Variants in PURB observed in about 807,000 individuals in gnomAD.
The protein encoded by PURB is purine rich element binding protein B, also known as transcriptional regulator protein Pur-beta.
A neutral mutation model predicts 21.1 loss-of-function variants in PURB; 11 were observed. The ratio of observed to expected loss-of-function variants is 0.52; its 90% CI spans 0.33 to 0.86. PURB has a LOEUF of 0.86. Ranked by LOEUF, PURB falls within the 40% of genes least tolerant of loss-of-function variation. The probability of loss-of-function intolerance (pLI) is 0.02; values close to 1 mark genes in which losing one functional copy is unlikely to be tolerated. For synonymous variants in PURB, 246 were observed against 210.8 expected (o/e 1.17, Z -1.45); for missense variants, 357 against 456.5 (o/e 0.78, Z 1.99).
rs758505939 is a variant in PURB, at chr7:44,879,042, T to G, written c.*5368A>C. On this transcript the variant is annotated 3_prime_UTR_variant, in exon 1 of 1. Transcript: ENST00000395699. ...GCCATTTCCACCTTACATTTGGAAT[T>G]TATTTATTTATTTTTTGAGACGGAG... is the stretch of plus-strand genomic sequence containing the variant. 3 of 152,018 alleles carry G rather than the reference T, an allele frequency of 2.0e-5. No homozygotes were observed. The highest frequency in any genetic ancestry group is 1.3e-4 in the Admixed American group (2 of 15,260). 9.4% of individuals were successfully genotyped at this position (152,018 alleles called of 1,614,324 possible). A position where few individuals can be genotyped will look rare whatever the true frequency, so the allele number is the denominator to read the frequency against.
Position 44,884,877 on chromosome 7 carries a change from C to T in PURB, c.472G>A (p.Gly158Ser). 2 of 1,557,998 alleles carry T rather than the reference C, an allele frequency of 1.3e-6. No individual in the cohort carries two copies. The highest frequency in any genetic ancestry group is 1.7e-6 in the Non-Finnish European group (2 of 1,154,436). Residue 158 changes from glycine (G) to serine (S), a missense_variant, in exon 1 of 1, where the codon GGC becomes AGC. Physicochemically the swap from Gly to Ser is moderately conservative, Grantham distance 56. Transcript: ENST00000395699. ...QTVNRGGGGF[G>S]AGPGPGGLQS... is the part of the protein sequence containing the mutation. ...AAGCCGCCCGGCCCGGGGCCCGCGC[C>T]GAAGCCGCCACCGCCGCGGTTGACC...
chr7:44,884,375 G>C lies in PURB; in HGVS notation c.*35C>G. On this transcript the variant is annotated 3_prime_UTR_variant, in exon 1 of 1. Coordinates refer to ENST00000395699, the MANE Select transcript of PURB (RefSeq NM_033224.5). Reference sequence around the variant, plus strand: ...GGAATTCTCTAGCCAAGGGGATGGTGGTTGGGTGGAGGCCTGTAGGGGAAG... The same window carrying C: ...GGAATTCTCTAGCCAAGGGGATGGTCGTTGGGTGGAGGCCTGTAGGGGAAG... 1 of 1,599,218 alleles carries C rather than the reference G, an allele frequency of 6.3e-7. No individual in the cohort carries two copies.
In PURB at chr7:44,885,001, C is replaced by T; in HGVS notation, c.348G>A (p.Arg116=). The change falls in exon 1 of 1, where the codon CGG becomes CGA. Residue 116 remains arginine, a synonymous_variant. Transcript: ENST00000395699. The part of the protein sequence containing the change: ...AAGAEEGGGP[R]RALKSEFLVR... ...CCAAGAATTCGCTCTTGAGCGCGCG[C>T]CGCGGCCCGCCGCCCTCCTCGGCGC... is the stretch of plus-strand genomic sequence containing the variant. 6.5e-7 allele frequency: 1 copy of T among 1,542,622 alleles called. No homozygotes were observed. Among genetic ancestry groups the T allele is most frequent in the Non-Finnish European group, 8.7e-7 (1 of 1,146,662 alleles).
Position 44,884,458 on chromosome 7 carries a change from GCCCCCACCA to G in PURB, c.882_890del (p.Gly295_Gly297del). 6.2e-7 allele frequency: 1 copy of G among 1,613,586 alleles called. No homozygotes were observed. The highest frequency in any genetic ancestry group is 8.5e-7 in the Non-Finnish European group (1 of 1,179,940). On this transcript the variant is annotated inframe_deletion, in exon 1 of 1. Coordinates refer to ENST00000395699, the MANE Select transcript of PURB (RefSeq NM_033224.5). ...CCTCTGACTCTTCGCCGCCGCCGCT[GCCCCCACCA>G]CGTCGCTCATAAAGCTTATCCCTCT...
rs1793865524 is a variant in PURB at position 44,880,810 on chromosome 7, T to C, written c.*3600A>G. 6.6e-6 allele frequency: 1 copy of C among 152,650 alleles called. No homozygotes were observed. The highest frequency in any genetic ancestry group is 2.4e-5 in the African/African-American group (1 of 41,460). 9.5% of individuals were successfully genotyped at this position (152,650 alleles called of 1,614,324 possible). A position where few individuals can be genotyped will look rare whatever the true frequency, so the allele number is the denominator to read the frequency against. ...TCAATCATTTTGCAGTAAATAATTA[T>C]GGAAAGTGATGTGACAAGTAGCCAT... On this transcript the variant is annotated 3_prime_UTR_variant, in exon 1 of 1. Transcript: ENST00000395699.
chr7:44,884,737 C>G lies in PURB; in HGVS notation c.612G>C (p.Pro204=). The G allele has an allele frequency of 6.2e-7, 1 of 1,611,736 alleles. No individual in the cohort carries two copies. The highest frequency in any genetic ancestry group is 8.5e-7 in the Non-Finnish European group (1 of 1,179,484). The change falls in exon 1 of 1, where the codon CCG becomes CCC. Residue 204 remains proline, a synonymous_variant. Transcript: ENST00000395699. ...GGEDDELAGG[P]GGGAGGPGGG... ...CCCCTGGGCCCCCGGCGCCGCCTCC[C>G]GGGCCGCCTGCCAGCTCGTCGTCCT...
rs1433261768 is a variant in PURB at position 44,885,352 on chromosome 7, C to T, written c.-4G>A. 1 of 1,181,384 alleles carries T rather than the reference C, an allele frequency of 8.5e-7. No individual in the cohort carries two copies. The highest frequency in any genetic ancestry group is 1.6e-5 in the African/African-American group (1 of 62,550). The allele number at this position is 1,181,384 out of a possible 1,614,324, so 73.2% of individuals were successfully genotyped here. The stretch of plus-strand genomic sequence containing the variant: ...TGCCGCTGTCGCCGTCCGCCATCTT[C>T]TAGGCCGCCGCCTCGCCGCCACCGC... On this transcript the variant is annotated 5_prime_UTR_variant, in exon 1 of 1. Coordinates refer to ENST00000395699, the MANE Select transcript of PURB (RefSeq NM_033224.5).
In PURB at chr7:44,880,200, A is replaced by G. The variant is rs904987908; in HGVS notation, c.*4210T>C. ...CATTAACTTTCCCCAATCAAAAAGG[A>G]GACCGATCACTATATACCAAGAGTG... is the stretch of plus-strand genomic sequence containing the variant. On this transcript the variant is annotated 3_prime_UTR_variant, in exon 1 of 1. Coordinates refer to ENST00000395699, the MANE Select transcript of PURB (RefSeq NM_033224.5). 6 of 4,042 alleles carry G rather than the reference A, an allele frequency of 1.5e-3. No individual in the cohort carries two copies. The African/African-American group carries it at 0.017, about 11-fold the overall frequency. 0.3% of individuals were successfully genotyped at this position (4,042 alleles called of 1,614,324 possible).
At position 44,880,231 on chromosome 7, in the gene PURB, G is replaced by C. The variant is rs1440810955; in HGVS notation, c.*4179C>G. The C allele has an allele frequency of 1.3e-5, 2 of 152,372 alleles. No individual in the cohort carries two copies. Among genetic ancestry groups the C allele is most frequent in the African/African-American group, 2.4e-5 (1 of 41,488 alleles). The allele number at this position is 152,372 out of a possible 1,614,324, so 9.4% of individuals were successfully genotyped here. Reference sequence around the variant, plus strand: ...ATCACTATATACCAAGAGTGCTGCAGAAAGACAAACTCTCAGCAAATGAGT... The same window carrying C: ...ATCACTATATACCAAGAGTGCTGCACAAAGACAAACTCTCAGCAAATGAGT... On this transcript the variant is annotated 3_prime_UTR_variant, in exon 1 of 1. Coordinates refer to ENST00000395699, the MANE Select transcript of PURB (RefSeq NM_033224.5).
rs1793926286 is a variant in PURB, at chr7:44,884,503, G to C, written c.846C>G (p.Ile282Met). ...FCRYADEMKE[I>M]QERQRDKLYE... ...AAAGCTTATCCCTCTGTCGTTCCTG[G>C]ATTTCTTTCATCTCATCCGCATACC... The change falls in exon 1 of 1, where the codon ATC becomes ATG. Residue 282 changes from isoleucine (I) to methionine (M), a missense_variant. Coordinates refer to ENST00000395699, the MANE Select transcript of PURB (RefSeq NM_033224.5). 3 of 1,613,982 alleles carry C rather than the reference G, an allele frequency of 1.9e-6. No individual in the cohort carries two copies. The East Asian group carries it at 6.7e-5, about 36-fold the overall frequency.
At position 44,885,373 on chromosome 7, in the gene PURB, ACCGCCCGCCGCGCTCGCGCCC is replaced by A. The variant is rs954166484; in HGVS notation, c.-46_-26del. The A allele has an allele frequency of 2.6e-5, 26 of 1,017,644 alleles. No homozygotes were observed. In the Middle Eastern group the frequency reaches 1.2e-3, roughly 47 times the overall value. 63.0% of individuals were successfully genotyped at this position (1,017,644 alleles called of 1,614,324 possible). On this transcript the variant is annotated 5_prime_UTR_variant, in exon 1 of 1. Coordinates refer to ENST00000395699, the MANE Select transcript of PURB (RefSeq NM_033224.5). ...TCTTCTAGGCCGCCGCCTCGCCGCC[ACCGCCCGCCGCGCTCGCGCCC>A]CCGCCCTCCGGCTCGCGCTCCGGGG...
rs1195057165 is a variant in PURB, at chr7:44,880,740, A to C, written c.*3670T>G. 1 of 152,680 alleles carries C rather than the reference A, an allele frequency of 6.5e-6. No individual in the cohort carries two copies. Among genetic ancestry groups the C allele is most frequent in the East Asian group, 1.9e-4 (1 of 5,206 alleles). 9.5% of individuals were successfully genotyped at this position (152,680 alleles called of 1,614,324 possible). On this transcript the variant is annotated 3_prime_UTR_variant, in exon 1 of 1. Coordinates refer to ENST00000395699, the MANE Select transcript of PURB (RefSeq NM_033224.5). ...ATTTACTGCAAAGTAATCCAGAGGT[A>C]ACAAAGGAAGCAGGAGGTTAACGGC...
Position 44,877,224 on chromosome 7 carries a change from T to A in PURB, c.*7186A>T, listed in dbSNP as rs1236930446. The A allele has an allele frequency of 6.6e-6, 1 of 152,444 alleles. No homozygotes were observed. 9.4% of individuals were successfully genotyped at this position (152,444 alleles called of 1,614,324 possible). ...TTCCTATAGAACGGAAAGTATGTTATCTGGAAACAGAAGACAAATGAATTT... is the reference window on the plus strand; with the variant it reads ...TTCCTATAGAACGGAAAGTATGTTAACTGGAAACAGAAGACAAATGAATTT... On this transcript the variant is annotated 3_prime_UTR_variant, in exon 1 of 1. Transcript: ENST00000395699.
Position 44,884,593 on chromosome 7 carries a change from C to T in PURB, c.756G>A (p.Pro252=). The T allele has an allele frequency of 6.2e-7, 1 of 1,614,234 alleles. No individual in the cohort carries two copies. Among genetic ancestry groups the T allele is most frequent in the Non-Finnish European group, 8.5e-7 (1 of 1,180,048 alleles). The change falls in exon 1 of 1, where the codon CCG becomes CCA. Residue 252 remains proline (P), a synonymous_variant. Coordinates refer to ENST00000395699, the MANE Select transcript of PURB (RefSeq NM_033224.5). ...GTACGGTGATGGCATTGCGGTAGGACGGCTTCACCTCGCTCACTCGCAGAA... is the reference window on the plus strand; with the variant it reads ...GTACGGTGATGGCATTGCGGTAGGATGGCTTCACCTCGCTCACTCGCAGAA... ...GVFLRVSEVK[P]SYRNAITVPF... is the part of the protein sequence containing the mutation.
rs1562801806 is a variant in PURB at position 44,883,178 on chromosome 7, T to C, written c.*1232A>G. 1 of 152,608 alleles carries C rather than the reference T, an allele frequency of 6.6e-6. No individual in the cohort carries two copies. Among genetic ancestry groups the C allele is most frequent in the East Asian group, 1.9e-4 (1 of 5,198 alleles). The allele number at this position is 152,608 out of a possible 1,614,324, so 9.5% of individuals were successfully genotyped here. ...ACAATGGATCAAGTTCTTAAAAATT[T>C]TAAAAGAATAAATGATGCTGGAATT... is the stretch of plus-strand genomic sequence containing the variant. On this transcript the variant is annotated 3_prime_UTR_variant, in exon 1 of 1. Transcript: ENST00000395699.
rs1381878350 is a variant in PURB at position 44,880,960 on chromosome 7, T to C, written c.*3450A>G. 1.3e-5 allele frequency: 2 copies of C among 152,664 alleles called. No individual in the cohort carries two copies. Among genetic ancestry groups the C allele is most frequent in the African/African-American group, 4.8e-5 (2 of 41,472 alleles). The allele number at this position is 152,664 out of a possible 1,614,324, so 9.5% of individuals were successfully genotyped here. A position where few individuals can be genotyped will look rare whatever the true frequency, so the allele number is the denominator to read the frequency against. ...GCCATACAGATTTATATTTTGTTCT[T>C]GTGCAGCATATGCACTGAAAAACTT... On this transcript the variant is annotated 3_prime_UTR_variant, in exon 1 of 1. Coordinates refer to ENST00000395699, the MANE Select transcript of PURB (RefSeq NM_033224.5).
chr7:44,885,006 G>C lies in PURB; in HGVS notation c.343C>G (p.Pro115Ala). 6.5e-7 allele frequency: 1 copy of C among 1,542,896 alleles called. No individual in the cohort carries two copies. Among genetic ancestry groups the C allele is most frequent in the Non-Finnish European group, 8.7e-7 (1 of 1,146,752 alleles). Residue 115 changes from proline to alanine, a missense_variant, in exon 1 of 1, where the codon CCG (proline) becomes GCG (alanine). Transcript: ENST00000395699. ...LAAGAEEGGG[P>A]RRALKSEFLV... Reference sequence around the variant, plus strand: ...AATTCGCTCTTGAGCGCGCGCCGCGGCCCGCCGCCCTCCTCGGCGCCAGCC... The same window carrying C: ...AATTCGCTCTTGAGCGCGCGCCGCGCCCCGCCGCCCTCCTCGGCGCCAGCC...
rs1011615258 is a variant in PURB, at chr7:44,878,920, G to A, written c.*5490C>T. ...TATCAAAAGAAATCATTATTCAAGAGTCCAGCTATCTGCTGAAACTTCTGG... is the reference window on the plus strand; with the variant it reads ...TATCAAAAGAAATCATTATTCAAGAATCCAGCTATCTGCTGAAACTTCTGG... On this transcript the variant is annotated 3_prime_UTR_variant, in exon 1 of 1. Coordinates refer to ENST00000395699, the MANE Select transcript of PURB (RefSeq NM_033224.5). 1 of 152,160 alleles carries A rather than the reference G, an allele frequency of 6.6e-6. No individual in the cohort carries two copies. Among genetic ancestry groups the A allele is most frequent in the Non-Finnish European group, 1.5e-5 (1 of 68,018 alleles). The allele number at this position is 152,160 out of a possible 1,614,324, so 9.4% of individuals were successfully genotyped here. A position where few individuals can be genotyped will look rare whatever the true frequency, so the allele number is the denominator to read the frequency against.
At position 44,877,854 on chromosome 7, in the gene PURB, A is replaced by C. The variant is rs1171054134; in HGVS notation, c.*6556T>G. ...GAGAGCTTTTGTACACAGGGATGAC[A>C]CATGTGGGCTGGAACAAGGGTTTAT... On this transcript the variant is annotated 3_prime_UTR_variant, in exon 1 of 1. Coordinates refer to ENST00000395699, the MANE Select transcript of PURB (RefSeq NM_033224.5). 2.6e-5 allele frequency: 4 copies of C among 152,166 alleles called. No homozygotes were observed. The highest frequency in any genetic ancestry group is 9.7e-5 in the African/African-American group (4 of 41,440). 9.4% of individuals were successfully genotyped at this position (152,166 alleles called of 1,614,324 possible). A position where few individuals can be genotyped will look rare whatever the true frequency, so the allele number is the denominator to read the frequency against.
Sources: allele counts gnomAD v4.1 joint callset, GRCh38; gene constraint gnomAD v4.1.1; transcripts MANE v1.5; gene names NCBI Gene and HGNC (gene_info 2026-07-23, HGNC 2026-07-21).